Variants in SLC31A1 observed in about 807,000 individuals in gnomAD.
The protein encoded by SLC31A1 is solute carrier family 31 member 1, also known as high affinity copper uptake protein 1.
Under a neutral mutation model 17.2 loss-of-function variants are expected in SLC31A1, and 5 were observed. That is an observed-to-expected ratio of 0.29 (90% CI 0.15 to 0.61). The LOEUF is 0.61. Among genes scored for constraint, SLC31A1 ranks in the 20% least tolerant of loss-of-function variants. SLC31A1 has a pLI of 0.86. For missense variants in SLC31A1, 161 were observed against 241.4 expected, an observed-to-expected ratio of 0.67 and a Z score of 2.21; for synonymous variants, 76 against 78.8, an observed-to-expected ratio of 0.96 and a Z score of 0.19.
At chr9:113,235,743 T>C (rs1564207239) in intron 1 of SLC31A1, among the ~76,000 whole-genome samples, 1 of 152,102 alleles carries the variant, frequency 6.6e-6, no homozygotes, top group Non-Finnish European at 1.5e-5. Flanking sequence ...ATATACTTAC[T>C]TTATGGGGGA....
At chr9:113,248,004 C>T (rs1831602071) in intron 1 of SLC31A1, among the ~76,000 whole-genome samples, 1 of 151,990 alleles carries the variant, frequency 6.6e-6, no homozygotes, top group Non-Finnish European at 1.5e-5. Flanking sequence ...ATTCCTAGAC[C>T]ATTTCTCATC....
intron 1 of SLC31A1, among the ~76,000 whole-genome samples, chr9:113,253,790 G>C (rs1239995922): frequency 6.6e-6 from 1 of 151,778 alleles, no homozygotes; most frequent in South Asian, 2.1e-4. Flanking sequence ...GTAGTGTCTG[G>C]CATGAAAGTG....
At chr9:113,259,096 T>G (rs1355095681) in intron 4 of SLC31A1, among the ~76,000 whole-genome samples, 5 of 152,172 alleles carry the variant, frequency 3.3e-5, no homozygotes, top group Admixed American at 1.3e-4. Flanking sequence ...TTGGCCACTT[T>G]GGAAGAAGGG....
intron 2 of SLC31A1, among the ~76,000 whole-genome samples, chr9:113,256,847 C>T (rs952198664): frequency 2.2e-5 from 3 of 135,874 alleles, no homozygotes; most frequent in Non-Finnish European, 4.6e-5. Flanking sequence ...GGCTACAGAG[C>T]GAGAATCCGT....
chr9:113,252,266 G>A (rs1457964744), intron 1 of SLC31A1, among the ~76,000 whole-genome samples: 1 of 152,144 alleles, frequency 6.6e-6, no homozygotes, highest in Non-Finnish European at 1.5e-5. Flanking sequence ...AAATCATCAA[G>A]GTTACAACTT....
intron 4 of SLC31A1, among the ~76,000 whole-genome samples, chr9:113,259,085 A>C (rs1195418327): frequency 1.3e-5 from 2 of 152,236 alleles, no homozygotes; most frequent in African/African-American, 2.4e-5. Context: ...AGTTGTACGG[A>C]TTGGCCACTT....
chr9:113,232,603 G>A (rs985487424), intron 1 of SLC31A1, among the ~76,000 whole-genome samples: 40 of 151,452 alleles, frequency 2.6e-4, no homozygotes, highest in Non-Finnish European at 8.8e-5. Flanking sequence ...AGGCTAAGGC[G>A]TGTGGATCAC....
rs1338660075 is a variant in SLC31A1, at chr9:113,261,541, A to G, written c.*1068A>G. 6.5e-6 allele frequency: 1 copy of G among 152,674 alleles called. No homozygotes were observed. Among genetic ancestry groups the G allele is most frequent in the Non-Finnish European group, 1.5e-5 (1 of 68,044 alleles). 9.5% of individuals were successfully genotyped at this position (152,674 alleles called of 1,614,324 possible). ...TAGATATTTTTAAATAAAACCATTC[A>G]CAGTTTACTTTGTCTTGATACCTTG... On this transcript the variant is annotated 3_prime_UTR_variant, in exon 5 of 5. Transcript: ENST00000374212.
rs1235613991 is a variant in SLC31A1 at position 113,250,093 on chromosome 9, G to A, written c.-35-6021G>A. 2.8e-3 allele frequency among the ~76,000 whole-genome samples: 424 copies of A among 149,486 alleles called. 3 individuals are homozygous for A. Among genetic ancestry groups the A allele is most frequent in the African/African-American group, 1.0e-2 (406 of 40,792 alleles). Reference sequence around the variant, plus strand: ...ACACTGTTGGTGGGACTGTAAACTAGTTCAACCATTGTGGAAGTCAGTGTG... The same window carrying A: ...ACACTGTTGGTGGGACTGTAAACTAATTCAACCATTGTGGAAGTCAGTGTG... On this transcript the variant is annotated intron_variant, in intron 1 of 4. Transcript: ENST00000374212.
intron 1 of SLC31A1, among the ~76,000 whole-genome samples, chr9:113,248,614 G>T (rs985594372): frequency 6.6e-6 from 1 of 151,374 alleles, no homozygotes; most frequent in Non-Finnish European, 1.5e-5. Flanking sequence ...GATTACAGGT[G>T]CCCGCCACCA....
In SLC31A1 at chr9:113,263,882, GA is replaced by G. The variant is rs1283135423; in HGVS notation, c.*3412del. On this transcript the variant is annotated 3_prime_UTR_variant, in exon 5 of 5. Coordinates refer to ENST00000374212, the MANE Select transcript of SLC31A1 (RefSeq NM_001859.4). ...CACTACTTCTATGGTAGGGTTGTCTGAAATTCCCTTTCAGGCTGTGGGTACT... is the reference window on the plus strand; with the variant it reads ...CACTACTTCTATGGTAGGGTTGTCTGAATTCCCTTTCAGGCTGTGGGTACT... 1 of 152,232 alleles carries G rather than the reference GA, an allele frequency of 6.6e-6. No individual in the cohort carries two copies. The highest frequency in any genetic ancestry group is 1.5e-5 in the Non-Finnish European group (1 of 68,050). The allele number at this position is 152,232 out of a possible 1,614,324, so 9.4% of individuals were successfully genotyped here.
chr9:113,227,953 ATTAATTT>A (rs1223032656), intron 1 of SLC31A1, among the ~76,000 whole-genome samples: 2 of 152,214 alleles, frequency 1.3e-5, no homozygotes, highest in African/African-American at 4.8e-5. Flanking sequence ...CCTTTCAGAG[ATTAATTT>A]TGTCATCTAA....
At chr9:113,222,189 G>A (rs939458467) in intron 1 of SLC31A1, among the ~76,000 whole-genome samples, 1 of 152,152 alleles carries the variant, frequency 6.6e-6, no homozygotes, top group African/African-American at 2.4e-5. Context: ...AAAGACTGTA[G>A]CATACACCTC....
chr9:113,252,977 G>A (rs1358680170), intron 1 of SLC31A1, among the ~76,000 whole-genome samples: 4 of 138,408 alleles, frequency 2.9e-5, no homozygotes, highest in East Asian at 4.1e-4. Context: ...TTTTTGAGAC[G>A]GAGTCTTGCT....
intron 1 of SLC31A1, among the ~76,000 whole-genome samples, chr9:113,238,891 T>C (rs1164089276): frequency 6.6e-6 from 1 of 152,198 alleles, no homozygotes; most frequent in Non-Finnish European, 1.5e-5. Context: ...ATAGTATAGA[T>C]TATGTAGTCT....
rs1831781369 is a variant in SLC31A1 at position 113,260,579 on chromosome 9, G to GAACA, written c.*106_*107insAACA. ...TCCCTTCTTGCTCCTCTTTGTGCAC[G>GAACA]TACACACACACACACACACACACAC... is the stretch of plus-strand genomic sequence containing the variant. On this transcript the variant is annotated 3_prime_UTR_variant, in exon 5 of 5. Coordinates refer to ENST00000374212, the MANE Select transcript of SLC31A1 (RefSeq NM_001859.4). 1 of 590,130 alleles carries GAACA rather than the reference G, an allele frequency of 1.7e-6. No individual in the cohort carries two copies. The highest frequency in any genetic ancestry group is 2.5e-5 in the Admixed American group (1 of 39,356). 36.6% of individuals were successfully genotyped at this position (590,130 alleles called of 1,614,324 possible). A position where few individuals can be genotyped will look rare whatever the true frequency, so the allele number is the denominator to read the frequency against.
intron 1 of SLC31A1, among the ~76,000 whole-genome samples, chr9:113,236,221 C>G (rs954209822): frequency 2.6e-5 from 4 of 152,182 alleles, no homozygotes; most frequent in Non-Finnish European, 5.9e-5. Flanking sequence ...CTCCTGGCCT[C>G]AAGTGATCTG....
intron 1 of SLC31A1, among the ~76,000 whole-genome samples, chr9:113,226,068 G>A (rs191337577): frequency 1.3e-4 from 20 of 152,108 alleles, no homozygotes; most frequent in Admixed American, 3.9e-4. Flanking sequence ...CCGGAGAGGC[G>A]GAGGTTGCAG....
chr9:113,224,801 A>G (rs975040621), intron 1 of SLC31A1, among the ~76,000 whole-genome samples: 8 of 152,214 alleles, frequency 5.3e-5, no homozygotes, highest in African/African-American at 9.6e-5. Context: ...TAGAGAGTCT[A>G]TGTAGTACAG....
Sources: allele counts gnomAD v4.1 joint callset (sites outside exome capture counted in the v4.1 genomes callset), GRCh38; gene constraint gnomAD v4.1.1; transcripts MANE v1.5; gene names NCBI Gene and HGNC (gene_info 2026-07-23, HGNC 2026-07-21).